TTC7A: variants seen among roughly 807,000 people sequenced by gnomAD.
TTC7A encodes the protein tetratricopeptide repeat protein 7A.
A neutral mutation model predicts 103.7 loss-of-function variants in TTC7A; 110 were observed. The ratio of observed to expected loss-of-function variants is 1.06; its 90% CI spans 0.91 to 1.24. The LOEUF is 1.24. TTC7A is among the 50% of genes most tolerant of loss of function. The pLI, the probability that TTC7A is intolerant of heterozygous loss-of-function variation, is 0.00. For missense variants in TTC7A, 1,340 were observed against 1,116.3 expected (o/e 1.20, Z -2.86); for synonymous variants, 521 against 467.9 (o/e 1.11, Z -1.47).
At chr2:46,952,134 G>A (rs1444343780) in intron 2 of TTC7A, among the ~76,000 whole-genome samples, 1 of 152,078 alleles carries the variant, frequency 6.6e-6, no homozygotes, top group African/African-American at 2.4e-5. Flanking sequence ...CAGGGGAGAG[G>A]GGAGTGTGTA....
At chr2:46,966,444 C>G (rs932629861) in intron 3 of TTC7A, among the ~76,000 whole-genome samples, 2 of 152,146 alleles carry the variant, frequency 1.3e-5, no homozygotes, top group African/African-American at 4.8e-5. Context: ...TTCATACAGT[C>G]ATGTTTTATA....
At chr2:46,943,456 T>C (rs1670639534) in intron 1 of TTC7A, among the ~76,000 whole-genome samples, 1 of 152,208 alleles carries the variant, frequency 6.6e-6, no homozygotes, top group Non-Finnish European at 1.5e-5. Flanking sequence ...GGGTCTCTCC[T>C]GCCAGTTTTG....
chr2:47,048,399 C>T (rs1299345934), intron 16 of TTC7A, among the ~76,000 whole-genome samples: 2 of 152,192 alleles, frequency 1.3e-5, no homozygotes, highest in Non-Finnish European at 2.9e-5. Flanking sequence ...GCACCCAGCC[C>T]TGCTCCATGC....
intron 2 of TTC7A, among the ~76,000 whole-genome samples, chr2:46,956,011 T>C (rs1210727158): frequency 6.6e-6 from 1 of 151,752 alleles, no homozygotes; most frequent in African/African-American, 2.4e-5. Context: ...ATGTCCAAGG[T>C]CAGAACTCAC....
At chr2:46,999,623 C>G in intron 8 of TTC7A, 2 of 985,464 alleles carry the variant, frequency 2.0e-6, no homozygotes, top group Non-Finnish European at 1.2e-6. Flanking sequence ...GTCCCCAAAT[C>G]AGAAGGAATG....
At chr2:47,046,552 G>T (rs544614727) in intron 16 of TTC7A, 121 bp downstream of exon 16, 10 of 744,408 alleles carry the variant, frequency 1.3e-5, no homozygotes, top group Admixed American at 2.1e-5. Flanking sequence ...GAATGAGAGC[G>T]TGGAACTTCC....
At chr2:46,940,424 C>A (rs1417294467), upstream of TTC7A, among the ~76,000 whole-genome samples, 1 of 152,078 alleles carries the variant, frequency 6.6e-6, no homozygotes, top group Non-Finnish European at 1.5e-5. The surrounding 1 kb of genome is among the most constrained non-coding windows in gnomAD (Gnocchi z 4.7). Flanking sequence ...TAAGAGGTCT[C>A]CCCCCAAGGG....
intron 16 of TTC7A, among the ~76,000 whole-genome samples, chr2:47,048,591 T>C (rs1367043387): frequency 6.6e-6 from 1 of 152,194 alleles, no homozygotes. Flanking sequence ...TGTTTCTGGC[T>C]TTTTTGTTTT....
intron 19 of TTC7A, among the ~76,000 whole-genome samples, chr2:47,062,092 A>G (rs1683829983): frequency 6.6e-6 from 1 of 152,218 alleles, no homozygotes; most frequent in Non-Finnish European, 1.5e-5. Context: ...TTTGTCCGTG[A>G]GGAGAAGCTA....
At chr2:47,027,249 TGAG>T (rs1341417614) in intron 14 of TTC7A, among the ~76,000 whole-genome samples, 3 of 152,018 alleles carry the variant, frequency 2.0e-5, no homozygotes, top group Non-Finnish European at 4.4e-5. Context: ...GAATCAGGGA[TGAG>T]GAGGAGAAGG....
chr2:47,071,841 C>T (rs1270136118), intron 19 of TTC7A, among the ~76,000 whole-genome samples: 1 of 152,216 alleles, frequency 6.6e-6, no homozygotes, highest in East Asian at 1.9e-4. Flanking sequence ...GCAGTTGAGC[C>T]CATTTTTCAA....
At chr2:47,072,652 G>A (rs906897755) in intron 19 of TTC7A, among the ~76,000 whole-genome samples, 2 of 152,148 alleles carry the variant, frequency 1.3e-5, no homozygotes, top group African/African-American at 4.8e-5. Flanking sequence ...CCCCCACTGC[G>A]GCCCCCGCCT....
rs1670966296 is a variant in TTC7A at position 46,946,632 on chromosome 2, G to A, written c.185-3731G>A. On this transcript the variant is annotated intron_variant, in intron 1 of 19. Coordinates refer to ENST00000319190, the MANE Select transcript of TTC7A (RefSeq NM_020458.4). The stretch of plus-strand genomic sequence containing the variant: ...CGACAGAGTCTCACTATGTTGACCA[G>A]GCTGGTCTCTAACTCCTGGTCTCAA... 3.3e-5 allele frequency among the ~76,000 whole-genome samples: 5 copies of A among 152,068 alleles called. No homozygotes were observed. In the South Asian group the frequency reaches 1.0e-3, roughly 31 times the overall value.
intron 15 of TTC7A, among the ~76,000 whole-genome samples, chr2:47,039,687 T>G (rs1681529523): frequency 6.6e-6 from 1 of 152,252 alleles, no homozygotes; most frequent in Non-Finnish European, 1.5e-5. Context: ...TTAATCCTTT[T>G]GACAAATAAT....
intron 2 of TTC7A, among the ~76,000 whole-genome samples, chr2:46,927,243 A>G (rs1398964968): frequency 6.6e-6 from 1 of 152,214 alleles, no homozygotes; most frequent in East Asian, 1.9e-4. Flanking sequence ...AGGATCAAAA[A>G]GAGTGACAAA....
At chr2:47,019,374 T>TAA in intron 11 of TTC7A, among the ~76,000 whole-genome samples, 1 of 150,136 alleles carries the variant, frequency 6.7e-6, no homozygotes, top group African/African-American at 2.4e-5. Flanking sequence ...TTTCTATTTT[T>TAA]AAAAAAAAAA....
Position 46,983,986 on chromosome 2 carries a change from A to C in TTC7A, c.764+5079A>C, listed in dbSNP as rs187920454. 2.0e-5 allele frequency among the ~76,000 whole-genome samples: 3 copies of C among 152,322 alleles called. No homozygotes were observed. The East Asian group carries it at 5.8e-4, about 29-fold the overall frequency. The stretch of plus-strand genomic sequence containing the variant: ...TCTGTCTCCTTTATTCATCCATTTC[A>C]GGGATATTTCTTAGGATAATGCATG... On this transcript the variant is annotated intron_variant, in intron 5 of 19. Transcript: ENST00000319190.
At chr2:46,957,608 T>C (rs545864360) in intron 3 of TTC7A, among the ~76,000 whole-genome samples, 7 of 152,224 alleles carry the variant, frequency 4.6e-5, no homozygotes, top group Non-Finnish European at 8.8e-5. Context: ...CTGGAGGGGA[T>C]TTAGGGACAT....
upstream of TTC7A, among the ~76,000 whole-genome samples, chr2:46,937,828 C>A (rs1346682138): frequency 6.6e-6 from 1 of 152,208 alleles, no homozygotes; most frequent in African/African-American, 2.4e-5. The surrounding 1 kb of genome is among the most constrained non-coding windows in gnomAD (Gnocchi z 4.0). Context: ...TGGAGGCTAT[C>A]GGCAGTCTTC....
Sources: allele counts gnomAD v4.1 joint callset (sites outside exome capture counted in the v4.1 genomes callset), GRCh38; gene constraint gnomAD v4.1.1; non-coding constraint Gnocchi (gnomAD v3.1); transcripts MANE v1.5; gene names NCBI Gene and HGNC (gene_info 2026-07-23, HGNC 2026-07-21).